Variants in NAALADL2 observed in about 807,000 individuals in gnomAD.
The protein encoded by NAALADL2 is inactive N-acetylated-alpha-linked acidic dipeptidase-like protein 2.
Under a neutral mutation model 87.2 loss-of-function variants are expected in NAALADL2, and 76 were observed. That is an observed-to-expected ratio of 0.87 (90% CI 0.72 to 1.05). The LOEUF is 1.05. Among genes scored for constraint, NAALADL2 ranks in the 50% least tolerant of loss-of-function variants. The probability of loss-of-function intolerance (pLI) is 0.00; values close to 1 mark genes in which losing one functional copy is unlikely to be tolerated. For missense variants in NAALADL2, 1,089 were observed against 945.8 expected, an observed-to-expected ratio of 1.15 and a Z score of -1.99; for synonymous variants, 354 against 331.0, an observed-to-expected ratio of 1.07 and a Z score of -0.75.
At chr3:175,525,965 T>C (rs1733355807) in intron 9 of NAALADL2, among the ~76,000 whole-genome samples, 1 of 152,208 alleles carries the variant, frequency 6.6e-6, no homozygotes, top group Non-Finnish European at 1.5e-5. Flanking sequence ...GTTGGGAAAG[T>C]ACTTCCAAGA....
At chr3:175,130,590 T>G (rs187625040) in intron 2 of NAALADL2, among the ~76,000 whole-genome samples, 2 of 152,222 alleles carry the variant, frequency 1.3e-5, no homozygotes, top group Non-Finnish European at 2.9e-5. Context: ...ATACCATATA[T>G]TGAAGAAACT....
intron 5 of NAALADL2, among the ~76,000 whole-genome samples, chr3:175,411,017 G>A (rs1443100063): frequency 6.6e-6 from 1 of 152,140 alleles, no homozygotes; most frequent in Non-Finnish European, 1.5e-5. Context: ...GGTGTTATAG[G>A]ACCATTAGAC....
chr3:174,595,076 T>C (rs1717747870), intron 2 of NAALADL2, among the ~76,000 whole-genome samples: 1 of 152,150 alleles, frequency 6.6e-6, no homozygotes, highest in Non-Finnish European at 1.5e-5. Flanking sequence ...TATTTTTGCT[T>C]ATTTCTGCGG....
chr3:175,594,714 G>A lies in NAALADL2; in HGVS notation c.1800+18527G>A, dbSNP rs148139145. ...TAGCCATACTGACTGGTGTGAGATGGCATCTCACTGTGTTTTTGATTTGCA... is the reference window on the plus strand; with the variant it reads ...TAGCCATACTGACTGGTGTGAGATGACATCTCACTGTGTTTTTGATTTGCA... On this transcript the variant is annotated intron_variant, in intron 10 of 13. Transcript: ENST00000454872. Among the ~76,000 whole-genome samples the A allele has an allele frequency of 6.3e-3, 959 of 152,114 alleles. 12 individuals are homozygous for A. The highest frequency in any genetic ancestry group is 0.022 in the African/African-American group (905 of 41,500).
chr3:175,446,049 T>C (rs1359503289), intron 5 of NAALADL2, among the ~76,000 whole-genome samples: 1 of 152,186 alleles, frequency 6.6e-6, no homozygotes, highest in African/African-American at 2.4e-5. Context: ...TATTGACTGA[T>C]GAATTTCAAT....
At chr3:174,724,163 A>T (rs62287772) in intron 2 of NAALADL2, among the ~76,000 whole-genome samples, 13,734 of 152,220 alleles carry the variant, frequency 0.09, 765 homozygotes, top group East Asian at 0.28. Context: ...AAAATATGAA[A>T]GTCTTGCTCA....
At chr3:174,875,308 T>TA (rs774266766) in intron 1 of NAALADL2, among the ~76,000 whole-genome samples, 2 of 151,948 alleles carry the variant, frequency 1.3e-5, no homozygotes, top group Non-Finnish European at 2.9e-5. Flanking sequence ...TCAAAAATGA[T>TA]AAAAAAGCAG....
At chr3:174,544,690 C>T (rs1383806244) in intron 1 of NAALADL2, among the ~76,000 whole-genome samples, 1 of 151,076 alleles carries the variant, frequency 6.6e-6, no homozygotes, top group Non-Finnish European at 1.5e-5. Flanking sequence ...CCTGCCTCAG[C>T]CTCCCGAGTA....
intron 1 of NAALADL2, among the ~76,000 whole-genome samples, chr3:175,057,936 T>C (rs116667786): frequency 5.9e-5 from 9 of 152,202 alleles, no homozygotes; most frequent in Non-Finnish European, 1.0e-4. Context: ...AGCTAGTCAA[T>C]AGAGTTTGTA....
chr3:174,856,913 T>C (rs545277981), upstream of NAALADL2, among the ~76,000 whole-genome samples: 195 of 152,284 alleles, frequency 1.3e-3, 3 homozygotes, highest in South Asian at 0.035. Flanking sequence ...GGGTGGAAGA[T>C]ATGAACACAA....
chr3:175,142,445 C>A (rs185913571), intron 2 of NAALADL2, among the ~76,000 whole-genome samples: 10 of 152,092 alleles, frequency 6.6e-5, no homozygotes, highest in East Asian at 1.9e-4. Flanking sequence ...CTCTCAACAA[C>A]CTTATGAAGT....
At chr3:174,898,061 C>T (rs1489908955) in intron 1 of NAALADL2, among the ~76,000 whole-genome samples, 6 of 107,924 alleles carry the variant, frequency 5.6e-5, no homozygotes, top group African/African-American at 3.0e-4. Context: ...TGCAGTGAGC[C>T]GAGATCCCGC....
chr3:174,583,933 G>T (rs1716428077), intron 2 of NAALADL2, among the ~76,000 whole-genome samples: 1 of 152,052 alleles, frequency 6.6e-6, no homozygotes, highest in African/African-American at 2.4e-5. Flanking sequence ...TTAATGAACA[G>T]CAAAATGTTT....
At chr3:174,903,116 T>C (rs1289512173) in intron 1 of NAALADL2, among the ~76,000 whole-genome samples, 4 of 152,074 alleles carry the variant, frequency 2.6e-5, no homozygotes. Context: ...TTTAATAGAA[T>C]GTAAAAGCAA....
At chr3:175,089,761 A>C (rs1719730650) in intron 1 of NAALADL2, among the ~76,000 whole-genome samples, 1 of 152,196 alleles carries the variant, frequency 6.6e-6, no homozygotes, top group Non-Finnish European at 1.5e-5. Flanking sequence ...ACAGAAAAAA[A>C]ATAAGATTAA....
intron 9 of NAALADL2, among the ~76,000 whole-genome samples, chr3:175,536,999 A>T (rs1734914368): frequency 6.6e-6 from 1 of 152,228 alleles, no homozygotes; most frequent in Non-Finnish European, 1.5e-5. Flanking sequence ...AAATACCTAA[A>T]TAAGAATGTA....
intron 5 of NAALADL2, among the ~76,000 whole-genome samples, chr3:175,339,716 C>T (rs1294924579): frequency 3.9e-5 from 6 of 152,160 alleles, no homozygotes; most frequent in Non-Finnish European, 7.3e-5. Flanking sequence ...CCTATAATTT[C>T]AGAGGACTCA....
intron 1 of NAALADL2, among the ~76,000 whole-genome samples, chr3:174,462,078 A>ATATTC (rs5854572): frequency 0.44 from 66,823 of 151,330 alleles, 15,971 homozygotes; most frequent in East Asian, 0.88. Flanking sequence ...CTTATTTTTA[A>ATATTC]TATTTGAAAA....
At chr3:175,558,051 C>T (rs963305977) in intron 9 of NAALADL2, among the ~76,000 whole-genome samples, 1 of 151,654 alleles carries the variant, frequency 6.6e-6, no homozygotes, top group Admixed American at 6.6e-5. Flanking sequence ...AAAACTTAGC[C>T]GGGCGTGGTG....
Sources: allele counts gnomAD v4.1 joint callset (sites outside exome capture counted in the v4.1 genomes callset), GRCh38; gene constraint gnomAD v4.1.1; transcripts MANE v1.5; gene names NCBI Gene and HGNC (gene_info 2026-07-23, HGNC 2026-07-21).